The following PHACTR1 variants were observed in gnomAD, a reference collection of about 807,000 sequenced individuals.
PHACTR1 encodes the protein RPEL repeat containing 1.
In PHACTR1, 16 loss-of-function variants were observed where a neutral mutation model predicts 69.2. The observed-to-expected ratio is 0.23, with a 90% confidence interval of 0.16 to 0.35. The LOEUF (loss-of-function observed/expected upper bound fraction) is 0.35, where lower values mean the gene tolerates loss of function less well. Among genes scored for constraint, PHACTR1 ranks in the 10% least tolerant of loss-of-function variants. PHACTR1 has a pLI of 1.00. For missense variants in PHACTR1, 510 were observed against 734.7 expected (o/e 0.69, Z 3.54); for synonymous variants, 312 against 284.5 (o/e 1.10, Z -0.97).
At chr6:13,255,419 C>T (rs1455749479) in intron 10 of PHACTR1, among the ~76,000 whole-genome samples, 1 of 152,146 alleles carries the variant, frequency 6.6e-6, no homozygotes, top group Non-Finnish European at 1.5e-5. Flanking sequence ...CCTCCCAAAT[C>T]TCATGTCCTT....
rs148825966 is a variant in PHACTR1, at chr6:12,734,969, C to T, written c.104-14675C>T. Among the ~76,000 whole-genome samples the T allele has an allele frequency of 1.7e-3, 256 of 152,254 alleles. 1 individual carries two copies. The highest frequency in any genetic ancestry group is 5.5e-3 in the African/African-American group (229 of 41,544). On this transcript the variant is annotated intron_variant, in intron 3 of 14. Transcript: ENST00000332995. ...CACAGTTATTACTTTTCTATTGCTG[C>T]GTATCAAATTACCCCAAAATTTAGT...
rs979177828 is a variant in PHACTR1, at chr6:12,818,485, A to G, written c.250+68695A>G. Among the ~76,000 whole-genome samples, 6 of 152,340 alleles carry G rather than the reference A, an allele frequency of 3.9e-5. No individual in the cohort carries two copies. The East Asian group carries it at 9.7e-4, about 25-fold the overall frequency. ...GTACATTTCAAGTCTTGGTTTGCTAATCAGCCAAAGTCAGTCACATGACCA... is the reference window on the plus strand; with the variant it reads ...GTACATTTCAAGTCTTGGTTTGCTAGTCAGCCAAAGTCAGTCACATGACCA... On this transcript the variant is annotated intron_variant, in intron 4 of 14. Coordinates refer to ENST00000332995, the MANE Select transcript of PHACTR1 (RefSeq NM_030948.6).
intron 4 of PHACTR1, among the ~76,000 whole-genome samples, chr6:12,945,266 T>A (rs914123138): frequency 2.0e-5 from 3 of 152,288 alleles, no homozygotes; most frequent in Admixed American, 1.3e-4. Context: ...CCAGATTCAT[T>A]GTCTTTCTGC....
chr6:13,275,130 G>A lies in PHACTR1; in HGVS notation c.1447+2215G>A, dbSNP rs946936084. ...GAGGAACTGCTCGGTGTTGGGTGGT[G>A]GGGAACAGGGCACAGAGATGCCATG... is the stretch of plus-strand genomic sequence containing the variant. On this transcript the variant is annotated intron_variant, in intron 11 of 14. Coordinates refer to ENST00000332995, the MANE Select transcript of PHACTR1 (RefSeq NM_030948.6). The surrounding 1 kb of genome is among the most constrained non-coding windows in gnomAD (Gnocchi z 4.0). The A allele has an allele frequency of 2.6e-5, 4 of 152,220 alleles. No individual in the cohort carries two copies. The highest frequency in any genetic ancestry group is 4.4e-5 in the Non-Finnish European group (3 of 68,058). The allele number at this position is 152,220 out of a possible 1,614,324, so 9.4% of individuals were successfully genotyped here.
At chr6:12,986,367 C>A (rs975756876) in intron 4 of PHACTR1, among the ~76,000 whole-genome samples, 1 of 152,104 alleles carries the variant, frequency 6.6e-6, no homozygotes, top group South Asian at 2.1e-4. Context: ...TCTTTTCAGA[C>A]CTTTCATTAC....
chr6:12,839,581 T>C (rs992499403), intron 4 of PHACTR1, among the ~76,000 whole-genome samples: 2 of 152,114 alleles, frequency 1.3e-5, no homozygotes, highest in Non-Finnish European at 2.9e-5. Flanking sequence ...TGACCCCTCA[T>C]AGGGGTACCA....
At chr6:12,717,078 A>G (rs1227129866) in intron 1 of PHACTR1, among the ~76,000 whole-genome samples, 182 bp downstream of exon 1, 1 of 152,200 alleles carries the variant, frequency 6.6e-6, no homozygotes, top group Non-Finnish European at 1.5e-5. Flanking sequence ...ACTGATTTGC[A>G]GAAGGGAAGA....
At chr6:13,024,844 G>A (rs1307180974) in intron 4 of PHACTR1, among the ~76,000 whole-genome samples, 1 of 152,164 alleles carries the variant, frequency 6.6e-6, no homozygotes, top group Non-Finnish European at 1.5e-5. Flanking sequence ...CTTGTCCCAG[G>A]TCTTTGAGGT....
intron 7 of PHACTR1, among the ~76,000 whole-genome samples, chr6:13,205,429 A>C (rs1295352396): frequency 6.6e-6 from 1 of 152,232 alleles, no homozygotes; most frequent in Non-Finnish European, 1.5e-5. Context: ...GACAAACTGC[A>C]TCCAAACCAT....
intron 5 of PHACTR1, among the ~76,000 whole-genome samples, chr6:13,098,494 C>T (rs1212721509): frequency 1.3e-5 from 2 of 152,156 alleles, no homozygotes; most frequent in Non-Finnish European, 2.9e-5. Context: ...GCTGATACAA[C>T]CCAAGTTTAT....
intron 4 of PHACTR1, among the ~76,000 whole-genome samples, chr6:12,861,742 C>A (rs886797648): frequency 6.6e-6 from 1 of 152,194 alleles, no homozygotes; most frequent in Non-Finnish European, 1.5e-5. Flanking sequence ...CTATGTAGGA[C>A]ATCTAACCGT....
At chr6:12,997,133 C>T (rs1448478399) in intron 4 of PHACTR1, among the ~76,000 whole-genome samples, 1 of 151,776 alleles carries the variant, frequency 6.6e-6, no homozygotes, top group African/African-American at 2.4e-5. Context: ...CGCCATTGCA[C>T]TCTAGCCTGG....
intron 4 of PHACTR1, among the ~76,000 whole-genome samples, chr6:13,004,637 C>T (rs1160454091): frequency 6.6e-6 from 1 of 152,308 alleles, no homozygotes; most frequent in South Asian, 2.1e-4. Context: ...TGGTTTGCTG[C>T]ACCTATCAAC....
intron 4 of PHACTR1, among the ~76,000 whole-genome samples, chr6:12,919,069 C>T (rs1431410952): frequency 6.6e-6 from 1 of 152,094 alleles, no homozygotes; most frequent in Non-Finnish European, 1.5e-5. Context: ...CTCAAGTGAT[C>T]CACTTGCCTC....
At chr6:12,955,454 G>A (rs1276849183) in intron 4 of PHACTR1, among the ~76,000 whole-genome samples, 2 of 152,064 alleles carry the variant, frequency 1.3e-5, no homozygotes, top group African/African-American at 4.8e-5. Context: ...GCCTCCCAAA[G>A]CACTGGGATT....
chr6:13,039,211 T>G (rs1274463384), intron 4 of PHACTR1, among the ~76,000 whole-genome samples: 1 of 152,204 alleles, frequency 6.6e-6, no homozygotes, highest in Admixed American at 6.5e-5. Flanking sequence ...ATTGGTTTGT[T>G]GTAGGGATCA....
chr6:12,752,296 T>A (rs1766715641), intron 4 of PHACTR1, among the ~76,000 whole-genome samples: 1 of 152,228 alleles, frequency 6.6e-6, no homozygotes, highest in African/African-American at 2.4e-5. Context: ...ATTAAACTAT[T>A]AGTGTTGTTA....
chr6:13,053,062 C>T (rs1054609394), intron 4 of PHACTR1, among the ~76,000 whole-genome samples: 2 of 152,216 alleles, frequency 1.3e-5, no homozygotes, highest in African/African-American at 4.8e-5. Context: ...CTGGTGGCCT[C>T]TCCCTGTTTT....
chr6:12,981,906 C>T (rs1795566264), intron 4 of PHACTR1, among the ~76,000 whole-genome samples: 1 of 152,152 alleles, frequency 6.6e-6, no homozygotes, highest in Non-Finnish European at 1.5e-5. Flanking sequence ...TGCTTGAACC[C>T]CATCAAATTA....
Sources: allele counts gnomAD v4.1 joint callset (sites outside exome capture counted in the v4.1 genomes callset), GRCh38; gene constraint gnomAD v4.1.1; non-coding constraint Gnocchi (gnomAD v3.1); transcripts MANE v1.5; gene names NCBI Gene and HGNC (gene_info 2026-07-23, HGNC 2026-07-21).